CNTNAP2: variants seen among roughly 807,000 people sequenced by gnomAD.
The protein encoded by CNTNAP2 is contactin associated protein 2.
In CNTNAP2, 98 loss-of-function variants were observed where a neutral mutation model predicts 155.2. The observed-to-expected ratio is 0.63, with a 90% CI of 0.54 to 0.75. The LOEUF (loss-of-function observed/expected upper bound fraction) is 0.75. Among genes scored for constraint, CNTNAP2 ranks in the 30% least tolerant of loss-of-function variants. CNTNAP2 has a pLI of 0.00. For missense variants in CNTNAP2, 1,727 were observed against 1,688.1 expected (o/e 1.02, Z -0.40); for synonymous variants, 651 against 631.2 (o/e 1.03, Z -0.47).
chr7:148,388,918 C>T (rs867014202), intron 22 of CNTNAP2, among the ~76,000 whole-genome samples: 35 of 152,170 alleles, frequency 2.3e-4, no homozygotes, highest in Admixed American at 1.4e-3. Context: ...AGTACCCGGC[C>T]ATGTGAAGTG....
intron 3 of CNTNAP2, among the ~76,000 whole-genome samples, chr7:147,033,584 A>C (rs915346362): frequency 6.6e-6 from 1 of 152,068 alleles, no homozygotes; most frequent in Non-Finnish European, 1.5e-5. Context: ...CAGAAATAAC[A>C]AGACCTATGA....
At chr7:146,861,691 C>G (rs1308885488) in intron 3 of CNTNAP2, among the ~76,000 whole-genome samples, 1 of 152,112 alleles carries the variant, frequency 6.6e-6, no homozygotes. Context: ...ACATAAACTG[C>G]TTCTCAGTAT....
intron 10 of CNTNAP2, among the ~76,000 whole-genome samples, chr7:147,422,617 G>GATAA (rs2116511451): frequency 6.6e-6 from 1 of 152,216 alleles, no homozygotes; most frequent in African/African-American, 2.4e-5. Context: ...TGAAGGGATA[G>GATAA]TTCAGGAGGA....
At chr7:146,574,359 T>G (rs1465875376) in intron 1 of CNTNAP2, among the ~76,000 whole-genome samples, 1 of 152,234 alleles carries the variant, frequency 6.6e-6, no homozygotes, top group African/African-American at 2.4e-5. Context: ...AAAGTTAAAT[T>G]GTTTTAAGTC....
Position 147,645,331 on chromosome 7 carries a change from T to G in CNTNAP2, c.2098+6025T>G, listed in dbSNP as rs181250815. ...GTGCATTATAAGAAGCTGCAGCATTTAACTCTTAAGACGACATGGATAAAT... is the reference window on the plus strand; with the variant it reads ...GTGCATTATAAGAAGCTGCAGCATTGAACTCTTAAGACGACATGGATAAAT... On this transcript the variant is annotated intron_variant, in intron 13 of 23. Coordinates refer to ENST00000361727, the MANE Select transcript of CNTNAP2 (RefSeq NM_014141.6). Among the ~76,000 whole-genome samples, 250 of 152,312 alleles carry G rather than the reference T, an allele frequency of 1.6e-3. 2 individuals are homozygous for G. Among genetic ancestry groups the G allele is most frequent in the African/African-American group, 5.4e-3 (224 of 41,580 alleles).
At chr7:147,635,503 TAAGCACTC>T (rs1221041913) in intron 12 of CNTNAP2, among the ~76,000 whole-genome samples, 3 of 152,092 alleles carry the variant, frequency 2.0e-5, no homozygotes, top group African/African-American at 7.2e-5. Context: ...TGTCATATCG[TAAGCACTC>T]AATAATATTT....
chr7:147,266,273 T>C (rs1804605339), intron 8 of CNTNAP2, among the ~76,000 whole-genome samples: 1 of 152,122 alleles, frequency 6.6e-6, no homozygotes, highest in South Asian at 2.1e-4. Context: ...GAATAACCAG[T>C]TGAGAGAGAA....
chr7:146,451,232 C>T (rs1348198518), intron 1 of CNTNAP2, among the ~76,000 whole-genome samples: 1 of 152,182 alleles, frequency 6.6e-6, no homozygotes, highest in Non-Finnish European at 1.5e-5. Context: ...AGGCGTGAGC[C>T]ACCGTGCCCA....
At chr7:147,669,918 GGCA>G (rs1795759958) in intron 13 of CNTNAP2, among the ~76,000 whole-genome samples, 4 of 152,264 alleles carry the variant, frequency 2.6e-5, no homozygotes, top group African/African-American at 9.6e-5. Context: ...CTGTTTGTGA[GGCA>G]GCAGCAGGAG....
At chr7:146,395,613 A>G (rs780918726) in intron 1 of CNTNAP2, among the ~76,000 whole-genome samples, 24 of 152,164 alleles carry the variant, frequency 1.6e-4, no homozygotes, top group Admixed American at 2.6e-4. Context: ...CTTCAGCACT[A>G]ATATTCTAAA....
chr7:147,895,300 A>G (rs140685971), intron 13 of CNTNAP2, among the ~76,000 whole-genome samples: 23 of 152,156 alleles, frequency 1.5e-4, no homozygotes, highest in African/African-American at 5.3e-4. Flanking sequence ...TAAGTCTTGG[A>G]AAACTCCTTT....
chr7:148,200,983 C>G (rs1795361366), intron 18 of CNTNAP2, among the ~76,000 whole-genome samples: 2 of 152,186 alleles, frequency 1.3e-5, no homozygotes, highest in Admixed American at 1.3e-4. Context: ...ATCTTGGATT[C>G]AGGTGATGAG....
At chr7:146,751,591 GCTCT>G (rs1801904297) in intron 1 of CNTNAP2, among the ~76,000 whole-genome samples, 1 of 151,984 alleles carries the variant, frequency 6.6e-6, no homozygotes, top group Non-Finnish European at 1.5e-5. Flanking sequence ...ATTTTATCAT[GCTCT>G]CTAATTCCTC....
At chr7:146,161,005 G>C (rs113806320) in intron 1 of CNTNAP2, among the ~76,000 whole-genome samples, 2,838 of 152,222 alleles carry the variant, frequency 0.019, 81 homozygotes, top group African/African-American at 0.063. Context: ...TTATCCACCA[G>C]GATCAAGTTG....
In CNTNAP2 at chr7:148,400,719, C is replaced by T. The variant is rs545688108; in HGVS notation, c.3716-8672C>T. On this transcript the variant is annotated intron_variant, in intron 22 of 23. Coordinates refer to ENST00000361727, the MANE Select transcript of CNTNAP2 (RefSeq NM_014141.6). ...GTTGTTGGCCAGGCACAGTGGCTCA[C>T]GCCTGTAATCCAAGCACTTTGGGAG... 3.7e-4 allele frequency among the ~76,000 whole-genome samples: 57 copies of T among 152,276 alleles called. 1 individual carries two copies. The South Asian group carries it at 0.011, about 29-fold the overall frequency.
At chr7:147,373,501 T>A (rs1796383594) in intron 9 of CNTNAP2, among the ~76,000 whole-genome samples, 1 of 152,278 alleles carries the variant, frequency 6.6e-6, no homozygotes, top group Non-Finnish European at 1.5e-5. Flanking sequence ...TTTTACTGGT[T>A]AAATTATTTT....
At chr7:147,100,143 G>A (rs1312924714) in intron 4 of CNTNAP2, among the ~76,000 whole-genome samples, 1 of 152,078 alleles carries the variant, frequency 6.6e-6, no homozygotes, top group Non-Finnish European at 1.5e-5. Flanking sequence ...TGTATGGGGG[G>A]TGTATGTGTG....
intron 20 of CNTNAP2, among the ~76,000 whole-genome samples, chr7:148,255,313 T>C (rs1220158816): frequency 1.3e-5 from 2 of 152,254 alleles, no homozygotes; most frequent in African/African-American, 4.8e-5. Context: ...CATTGTGCTA[T>C]AAATATCTTT....
At chr7:147,649,783 A>G (rs1457166812) in intron 13 of CNTNAP2, among the ~76,000 whole-genome samples, 1 of 151,994 alleles carries the variant, frequency 6.6e-6, no homozygotes, top group African/African-American at 2.4e-5. Flanking sequence ...CTTTTGGACT[A>G]TTTTTCAAAA....
Sources: allele counts gnomAD v4.1 joint callset (sites outside exome capture counted in the v4.1 genomes callset), GRCh38; gene constraint gnomAD v4.1.1; transcripts MANE v1.5; gene names NCBI Gene and HGNC (gene_info 2026-07-23, HGNC 2026-07-21).